The following LEKR1 variants were observed in gnomAD, a reference collection of about 807,000 sequenced individuals.
LEKR1 encodes the protein leucine, glutamate and lysine rich 1.
In LEKR1, 59 loss-of-function variants were observed where a neutral mutation model predicts 72.4. The ratio of observed to expected loss-of-function variants is 0.82; its 90% confidence interval spans 0.66 to 1.01. The LOEUF is 1.01. Ranked by LOEUF, LEKR1 falls within the 50% of genes least tolerant of loss-of-function variation. LEKR1 has a pLI of 0.00. For missense variants in LEKR1, 728 were observed against 759.2 expected (o/e 0.96, Z 0.48); for synonymous variants, 257 against 263.2 (o/e 0.98, Z 0.23).
chr3:156,842,159 AT>A (rs1714003178), intron 2 of LEKR1, among the ~76,000 whole-genome samples: 1 of 152,240 alleles, frequency 6.6e-6, no homozygotes, highest in Admixed American at 6.5e-5. Flanking sequence ...TGCCAAAAAA[AT>A]TGGGGACTGC....
At chr3:156,972,790 ATAATT>A (rs936860956) in intron 6 of LEKR1, among the ~76,000 whole-genome samples, 6 of 151,626 alleles carry the variant, frequency 4.0e-5, no homozygotes. Flanking sequence ...GAAAAATAAA[ATAATT>A]TAAAATAGTG....
rs752550969 is a variant in LEKR1, at chr3:156,843,678, G to A, written c.49-9090G>A. Among the ~76,000 whole-genome samples the A allele has an allele frequency of 6.8e-4, 104 of 152,172 alleles. No homozygotes were observed. In the Middle Eastern group the frequency reaches 0.01, roughly 15 times the overall value. On this transcript the variant is annotated intron_variant, in intron 2 of 12. Coordinates refer to ENST00000356539, the MANE Select transcript of LEKR1 (RefSeq NM_001004316.3). ...CAGTTTTATATTTCCAAGCACAGAT[G>A]GTCATTGCCAGAAAAAATAAACTTA...
At chr3:156,874,703 C>G (rs79350242) in intron 3 of LEKR1, among the ~76,000 whole-genome samples, 4,840 of 152,218 alleles carry the variant, frequency 0.032, 115 homozygotes, top group Non-Finnish European at 0.047. Context: ...CTCTTCCCCC[C>G]AAGTTCCCTA....
chr3:156,853,728 A>G (rs1715678485), intron 3 of LEKR1, among the ~76,000 whole-genome samples: 1 of 152,084 alleles, frequency 6.6e-6, no homozygotes, highest in Non-Finnish European at 1.5e-5. Flanking sequence ...AAAAATATAT[A>G]ATTGTATTAA....
chr3:156,880,935 C>T (rs1430800132), intron 3 of LEKR1, among the ~76,000 whole-genome samples: 20 of 152,154 alleles, frequency 1.3e-4, no homozygotes, highest in East Asian at 9.6e-4. Context: ...AAAAGGCCTT[C>T]GACAAAATTC....
At chr3:156,886,268 A>G (rs1246035945) in intron 3 of LEKR1, among the ~76,000 whole-genome samples, 2 of 152,076 alleles carry the variant, frequency 1.3e-5, no homozygotes, top group Non-Finnish European at 1.5e-5. Context: ...CCCAGCTCCC[A>G]CACAGTTGGA....
intron 9 of LEKR1, among the ~76,000 whole-genome samples, chr3:156,995,871 A>G (rs1332027845): frequency 2.0e-5 from 3 of 152,140 alleles, no homozygotes; most frequent in Non-Finnish European, 4.4e-5. Flanking sequence ...GTCCTTGTAG[A>G]CCAGTAGGTT....
At chr3:156,931,035 C>G (rs1345459879) in intron 5 of LEKR1, among the ~76,000 whole-genome samples, 2 of 151,944 alleles carry the variant, frequency 1.3e-5, no homozygotes, top group Non-Finnish European at 2.9e-5. Context: ...GAAGTAAGAA[C>G]TATAAAAGAA....
intron 6 of LEKR1, among the ~76,000 whole-genome samples, chr3:156,946,178 C>A (rs1726661581): frequency 6.6e-6 from 1 of 150,880 alleles, no homozygotes; most frequent in Middle Eastern, 3.4e-3. Context: ...AGGTTTATTC[C>A]TAGATATTTT....
At chr3:156,974,096 A>G (rs140859567) in intron 6 of LEKR1, among the ~76,000 whole-genome samples, 169 of 152,300 alleles carry the variant, frequency 1.1e-3, no homozygotes, top group South Asian at 8.3e-3. Flanking sequence ...AGGATTATTT[A>G]TGGTGACAAG....
intron 7 of LEKR1, chr3:156,988,628 A>G (rs1321010157): frequency 4.3e-6 from 1 of 232,850 alleles, no homozygotes; most frequent in Non-Finnish European, 9.6e-6. Context: ...TGGTAAAGGT[A>G]CTGAAGAACC....
At chr3:156,956,966 A>C (rs1447045232) in intron 6 of LEKR1, among the ~76,000 whole-genome samples, 2 of 152,036 alleles carry the variant, frequency 1.3e-5, no homozygotes, top group Non-Finnish European at 2.9e-5. Context: ...AAATTAGTAC[A>C]AAGACTTTAA....
intron 6 of LEKR1, among the ~76,000 whole-genome samples, chr3:156,955,045 G>A (rs1490955633): frequency 6.6e-6 from 1 of 151,914 alleles, no homozygotes; most frequent in Non-Finnish European, 1.5e-5. Flanking sequence ...GCAGTCATTT[G>A]TAGTTCTCCT....
intron 2 of LEKR1, among the ~76,000 whole-genome samples, chr3:156,848,795 A>G (rs1306648230): frequency 6.6e-6 from 1 of 152,226 alleles, no homozygotes; most frequent in Non-Finnish European, 1.5e-5. Context: ...ACTTTGCAAA[A>G]GACATAAAGC....
chr3:156,914,359 C>T (rs1243620390), intron 3 of LEKR1, among the ~76,000 whole-genome samples: 3 of 151,990 alleles, frequency 2.0e-5, no homozygotes, highest in East Asian at 1.9e-4. Context: ...TTCCCCTCCC[C>T]GTGTCCATGT....
intron 6 of LEKR1, among the ~76,000 whole-genome samples, chr3:156,945,037 AG>A (rs1726559052): frequency 1.3e-5 from 2 of 151,754 alleles, no homozygotes; most frequent in Admixed American, 1.3e-4. Flanking sequence ...TACCACCAAC[AG>A]TGTTCAAGGG....
chr3:156,847,811 G>T (rs1379220711), intron 2 of LEKR1, among the ~76,000 whole-genome samples: 7 of 152,118 alleles, frequency 4.6e-5, no homozygotes. Flanking sequence ...ACATCATAAT[G>T]AATATCATGT....
chr3:156,936,897 G>A (rs1725762944), intron 5 of LEKR1, among the ~76,000 whole-genome samples: 1 of 152,134 alleles, frequency 6.6e-6, no homozygotes, highest in African/African-American at 2.4e-5. Context: ...AATCTTTGGG[G>A]CCTAGGATTA....
chr3:156,898,738 T>C (rs998084244), intron 3 of LEKR1, among the ~76,000 whole-genome samples: 2 of 152,178 alleles, frequency 1.3e-5, no homozygotes, highest in Non-Finnish European at 2.9e-5. Flanking sequence ...ATGGGGAGCT[T>C]ACTGTAGAAC....
Sources: allele counts gnomAD v4.1 joint callset (sites outside exome capture counted in the v4.1 genomes callset), GRCh38; gene constraint gnomAD v4.1.1; transcripts MANE v1.5; gene names NCBI Gene and HGNC (gene_info 2026-07-23, HGNC 2026-07-21).